The following MDGA2 variants were observed in gnomAD, a reference collection of about 807,000 sequenced individuals.
MDGA2 encodes the protein MAM domain-containing glycosylphosphatidylinositol anchor protein 2.
Under a neutral mutation model 117.8 loss-of-function variants are expected in MDGA2, and 40 were observed. That is an observed-to-expected ratio of 0.34 (90% CI 0.26 to 0.44). The LOEUF (loss-of-function observed/expected upper bound fraction) is 0.44. MDGA2 is among the 20% of genes least tolerant of loss of function. MDGA2 has a pLI of 1.00. For missense variants in MDGA2, 1,123 were observed against 1,250.6 expected, an observed-to-expected ratio of 0.90 and a Z score of 1.54; for synonymous variants, 452 against 439.0, an observed-to-expected ratio of 1.03 and a Z score of -0.37.
chr14:47,426,245 C>G (rs1015355048), intron 1 of MDGA2, among the ~76,000 whole-genome samples: 4 of 152,028 alleles, frequency 2.6e-5, no homozygotes, highest in Non-Finnish European at 5.9e-5. Flanking sequence ...TGACTCCCAT[C>G]GGAGGATCTA....
intron 1 of MDGA2, among the ~76,000 whole-genome samples, chr14:47,497,085 C>T (rs1044571438): frequency 6.6e-6 from 1 of 152,114 alleles, no homozygotes; most frequent in African/African-American, 2.4e-5. Context: ...GGCCCAGTTG[C>T]TAATAGGCCA....
intron 4 of MDGA2, among the ~76,000 whole-genome samples, chr14:47,137,735 C>A (rs1882526532): frequency 6.6e-6 from 1 of 152,006 alleles, no homozygotes; most frequent in Non-Finnish European, 1.5e-5. Flanking sequence ...AACACAATAA[C>A]AAAATGGACT....
At chr14:47,396,184 A>AT (rs1262992835) in intron 1 of MDGA2, among the ~76,000 whole-genome samples, 3 of 151,820 alleles carry the variant, frequency 2.0e-5, no homozygotes, top group African/African-American at 4.8e-5. Context: ...GAGGAATTTT[A>AT]TTTTTTTTCT....
intron 8 of MDGA2, among the ~76,000 whole-genome samples, chr14:46,971,895 T>C (rs1886281087): frequency 1.3e-5 from 2 of 152,176 alleles, no homozygotes; most frequent in Non-Finnish European, 2.9e-5. Context: ...ATCAGTACAA[T>C]TGTTTTAAAT....
At chr14:47,418,568 G>C (rs541295949) in intron 1 of MDGA2, among the ~76,000 whole-genome samples, 274 of 152,122 alleles carry the variant, frequency 1.8e-3, no homozygotes, top group Middle Eastern at 3.4e-3. Context: ...TCCATTTATC[G>C]GGGATCCAAC....
chr14:47,000,387 ATATT>A (rs1406303258), intron 8 of MDGA2, among the ~76,000 whole-genome samples: 2 of 52,808 alleles, frequency 3.8e-5, no homozygotes, highest in African/African-American at 6.6e-5. Flanking sequence ...TTATATATAT[ATATT>A]TATATATAAA....
At chr14:47,661,676 T>G (rs1267679661) in intron 1 of MDGA2, among the ~76,000 whole-genome samples, 4 of 151,830 alleles carry the variant, frequency 2.6e-5, no homozygotes, top group African/African-American at 9.7e-5. Flanking sequence ...AAACTGCACA[T>G]GCATTGCTGT....
At chr14:46,870,375 G>T (rs1449176832) in intron 14 of MDGA2, among the ~76,000 whole-genome samples, 1 of 151,918 alleles carries the variant, frequency 6.6e-6, no homozygotes, top group African/African-American at 2.4e-5. Context: ...CCAAAAGAAT[G>T]ACTAAAACTG....
At chr14:46,859,959 A>T (rs1881442856) in intron 14 of MDGA2, among the ~76,000 whole-genome samples, 1 of 152,080 alleles carries the variant, frequency 6.6e-6, no homozygotes, top group Non-Finnish European at 1.5e-5. Context: ...ATTTTGGTGT[A>T]TGTTGCTTTA....
intron 14 of MDGA2, among the ~76,000 whole-genome samples, chr14:46,867,840 T>G (rs997773414): frequency 6.6e-6 from 1 of 152,034 alleles, no homozygotes; most frequent in Non-Finnish European, 1.5e-5. Flanking sequence ...TAAGAATATG[T>G]GACACTTTTG....
At chr14:47,315,125 T>C (rs1889766158) in intron 1 of MDGA2, among the ~76,000 whole-genome samples, 1 of 151,540 alleles carries the variant, frequency 6.6e-6, no homozygotes, top group Non-Finnish European at 1.5e-5. Flanking sequence ...CTGTAGTTTA[T>C]TTCTAAGTTT....
chr14:47,092,630 T>C (rs1879723102), intron 6 of MDGA2, among the ~76,000 whole-genome samples: 1 of 152,132 alleles, frequency 6.6e-6, no homozygotes, highest in Non-Finnish European at 1.5e-5. Context: ...TTGAAATATT[T>C]TCCCTCCAAT....
intron 5 of MDGA2, among the ~76,000 whole-genome samples, chr14:47,126,338 A>C (rs1330447542): frequency 1.5e-5 from 2 of 136,354 alleles, no homozygotes; most frequent in African/African-American, 5.0e-5. Context: ...GCATGACAAT[A>C]AATAAATAAA....
chr14:47,608,393 T>C (rs144217968), intron 1 of MDGA2, among the ~76,000 whole-genome samples: 1 of 152,208 alleles, frequency 6.6e-6, no homozygotes, highest in East Asian at 1.9e-4. Flanking sequence ...AATCCATACA[T>C]TCTTGCAAAA....
At chr14:47,578,986 C>A (rs193087659) in intron 1 of MDGA2, among the ~76,000 whole-genome samples, 65 of 152,108 alleles carry the variant, frequency 4.3e-4, no homozygotes, top group Middle Eastern at 3.4e-3. Context: ...CTTAGCATTC[C>A]AGGAAAAATA....
intron 1 of MDGA2, among the ~76,000 whole-genome samples, chr14:47,613,014 C>T (rs1213888081): frequency 2.6e-5 from 4 of 152,068 alleles, no homozygotes; most frequent in East Asian, 1.9e-4. Flanking sequence ...TATTGAAAAC[C>T]GAAGTTAGAG....
chr14:47,119,339 AC>A (rs1881529777), intron 5 of MDGA2, among the ~76,000 whole-genome samples: 1 of 152,086 alleles, frequency 6.6e-6, no homozygotes, highest in Admixed American at 6.5e-5. Flanking sequence ...TGCTAGGATT[AC>A]AGGCGTGAGC....
chr14:47,622,140 G>C (rs1224163740), intron 1 of MDGA2, among the ~76,000 whole-genome samples: 1 of 152,140 alleles, frequency 6.6e-6, no homozygotes, highest in Non-Finnish European at 1.5e-5. Flanking sequence ...GCCTAGAAGA[G>C]TGACAGTTAC....
Position 47,318,696 on chromosome 14 carries a change from C to T in MDGA2, c.281-17146G>A, listed in dbSNP as rs75999235. On this transcript the variant is annotated intron_variant, in intron 1 of 16. Transcript: ENST00000399232. ...CCAGCACATTGTGTTGTTCATTCAA[C>T]GCTTACCGAATGAATTAATTAATGC... Among the ~76,000 whole-genome samples the T allele has an allele frequency of 1.8e-4, 27 of 150,690 alleles. 1 individual carries two copies. The East Asian group carries it at 2.4e-3, about 13-fold the overall frequency.
Sources: allele counts gnomAD v4.1 joint callset (sites outside exome capture counted in the v4.1 genomes callset), GRCh38; gene constraint gnomAD v4.1.1; transcripts MANE v1.5; gene names NCBI Gene and HGNC (gene_info 2026-07-23, HGNC 2026-07-21).